AUTS2: variants seen among roughly 807,000 people sequenced by gnomAD.
AUTS2 encodes activator of transcription and developmental regulator AUTS2.
In AUTS2, 17 loss-of-function variants were observed where a neutral mutation model predicts 112.4. The ratio of observed to expected loss-of-function variants is 0.15; its 90% CI spans 0.10 to 0.23. The LOEUF is 0.23. Among genes scored for constraint, AUTS2 ranks in the 10% least tolerant of loss-of-function variants. The pLI, the probability that AUTS2 is intolerant of heterozygous loss-of-function variation, is 1.00. For missense variants in AUTS2, 1,510 were observed against 1,701.6 expected, an observed-to-expected ratio of 0.89 and a Z score of 1.98; for synonymous variants, 751 against 702.7, an observed-to-expected ratio of 1.07 and a Z score of -1.09.
At chr7:69,858,926 A>G (rs1182157222) in intron 1 of AUTS2, among the ~76,000 whole-genome samples, 3 of 152,206 alleles carry the variant, frequency 2.0e-5, no homozygotes, top group Admixed American at 6.5e-5. Flanking sequence ...TGTAGGTACT[A>G]ATTATTTCTT....
chr7:69,634,186 C>CT (rs1186334755), intron 1 of AUTS2, among the ~76,000 whole-genome samples: 1 of 151,054 alleles, frequency 6.6e-6, no homozygotes, highest in Non-Finnish European at 1.5e-5. Flanking sequence ...GTGGCGCAAT[C>CT]TCGGCTCACT....
In AUTS2 at chr7:69,832,449, A is replaced by C. The variant is rs1005693262; in HGVS notation, c.310-66837A>C. 2.0e-5 allele frequency among the ~76,000 whole-genome samples: 3 copies of C among 152,324 alleles called. No individual in the cohort carries two copies. The South Asian group carries it at 6.2e-4, about 32-fold the overall frequency. On this transcript the variant is annotated intron_variant, in intron 1 of 18. Transcript: ENST00000342771. ...ATCCTGACCTCAGCAGCACACAGCA[A>C]GCATGTAATAGCTGCAGAGAATAAT...
chr7:70,047,979 A>C (rs538655686), intron 2 of AUTS2, among the ~76,000 whole-genome samples: 1 of 152,084 alleles, frequency 6.6e-6, no homozygotes, highest in Admixed American at 6.6e-5. Flanking sequence ...TATTGGGAGC[A>C]TGGGTCTGCT....
intron 4 of AUTS2, among the ~76,000 whole-genome samples, chr7:70,313,619 GA>G (rs1789857426): frequency 6.6e-6 from 1 of 152,176 alleles, no homozygotes; most frequent in African/African-American, 2.4e-5. Context: ...GCAAATGGAT[GA>G]ACTCACAGTA....
At chr7:69,820,736 A>T (rs989914937) in intron 1 of AUTS2, among the ~76,000 whole-genome samples, 1 of 152,198 alleles carries the variant, frequency 6.6e-6, no homozygotes, top group Admixed American at 6.5e-5. Context: ...ACTGAATAGG[A>T]GAGAAAGAGG....
chr7:70,356,986 A>T (rs893040461), intron 4 of AUTS2, among the ~76,000 whole-genome samples: 3 of 152,140 alleles, frequency 2.0e-5, no homozygotes, highest in Non-Finnish European at 4.4e-5. Flanking sequence ...ATTGCTCCCA[A>T]TGTTTCCTGG....
rs1317877678 is a variant in AUTS2 at position 69,872,041 on chromosome 7, G to A, written c.310-27245G>A. On this transcript the variant is annotated intron_variant, in intron 1 of 18. Coordinates refer to ENST00000342771, the MANE Select transcript of AUTS2 (RefSeq NM_015570.4). ...GTTGCGTGTATTTTTTCTACTCATGGACATGTTCCACTGTGTTATCCGACT... is the reference window on the plus strand; with the variant it reads ...GTTGCGTGTATTTTTTCTACTCATGAACATGTTCCACTGTGTTATCCGACT... Among the ~76,000 whole-genome samples, 5 of 152,158 alleles carry A rather than the reference G, an allele frequency of 3.3e-5. No individual in the cohort carries two copies. In the East Asian group the frequency reaches 9.6e-4, roughly 29 times the overall value.
At position 70,719,589 on chromosome 7, in the gene AUTS2, G is replaced by A. The variant is rs562416402; in HGVS notation, c.742+20969G>A. Among the ~76,000 whole-genome samples, 164 of 149,578 alleles carry A rather than the reference G, an allele frequency of 1.1e-3. 1 individual carries two copies. The highest frequency in any genetic ancestry group is 1.7e-3 in the Non-Finnish European group (118 of 67,772). ...AACGATTCTCCTGCCTCAGCCTCCC[G>A]AGTAGGTGGGATTACAGGCTCCTGC... On this transcript the variant is annotated intron_variant, in intron 6 of 18. Transcript: ENST00000342771.
chr7:70,261,834 G>A (rs1787181594), intron 4 of AUTS2, among the ~76,000 whole-genome samples: 1 of 152,202 alleles, frequency 6.6e-6, no homozygotes, highest in South Asian at 2.1e-4. Context: ...GGCCTCAGGA[G>A]CGCCTCTTTG....
intron 1 of AUTS2, among the ~76,000 whole-genome samples, chr7:69,767,689 G>A (rs1049794052): frequency 2.6e-5 from 4 of 152,344 alleles, no homozygotes; most frequent in Admixed American, 2.0e-4. Context: ...CCATCTTTCT[G>A]TCTCTGGTTT....
intron 1 of AUTS2, among the ~76,000 whole-genome samples, chr7:69,768,430 C>T (rs574636140): frequency 2.3e-4 from 35 of 152,284 alleles, no homozygotes; most frequent in African/African-American, 8.2e-4. Context: ...AGGTTACCTG[C>T]TCAGTTCAAA....
intron 1 of AUTS2, among the ~76,000 whole-genome samples, chr7:69,896,855 C>G (rs1794769621): frequency 6.6e-6 from 1 of 152,214 alleles, no homozygotes; most frequent in African/African-American, 2.4e-5. Flanking sequence ...TTCAGCCTTT[C>G]AGATCTAGGT....
chr7:70,405,738 C>A (rs1794503679), intron 4 of AUTS2, among the ~76,000 whole-genome samples: 1 of 152,190 alleles, frequency 6.6e-6, no homozygotes, highest in Non-Finnish European at 1.5e-5. Context: ...AAGGTGGGAT[C>A]CTGGCAGCTG....
chr7:69,717,590 G>A (rs1405033080), intron 1 of AUTS2, among the ~76,000 whole-genome samples: 1 of 152,066 alleles, frequency 6.6e-6, no homozygotes, highest in Non-Finnish European at 1.5e-5. Flanking sequence ...AGAATGAAAG[G>A]AAAAAAAATT....
intron 5 of AUTS2, among the ~76,000 whole-genome samples, chr7:70,635,831 T>A (rs1326862641): frequency 6.6e-6 from 1 of 152,192 alleles, no homozygotes; most frequent in Non-Finnish European, 1.5e-5. Context: ...TAGGAGAGAC[T>A]TTGACACACA....
chr7:70,175,407 GA>G (rs1808932706), intron 4 of AUTS2, among the ~76,000 whole-genome samples: 1 of 152,116 alleles, frequency 6.6e-6, no homozygotes, highest in African/African-American at 2.4e-5. Context: ...AAAGAATTTA[GA>G]ATATTCCATA....
At chr7:69,760,200 T>TTTC (rs1395867170) in intron 1 of AUTS2, among the ~76,000 whole-genome samples, 3 of 146,748 alleles carry the variant, frequency 2.0e-5, no homozygotes, top group African/African-American at 7.4e-5. Context: ...TTTTTTTCTT[T>TTTC]TTTTTTTTTT....
intron 2 of AUTS2, among the ~76,000 whole-genome samples, chr7:69,996,714 C>A (rs1379924837): frequency 6.6e-6 from 1 of 152,032 alleles, no homozygotes. Context: ...GTAAAAACTT[C>A]AAAGTGCCTG....
At chr7:70,401,450 C>T (rs984164513) in intron 4 of AUTS2, among the ~76,000 whole-genome samples, 1 of 152,162 alleles carries the variant, frequency 6.6e-6, no homozygotes, top group African/African-American at 2.4e-5. Flanking sequence ...AAGGAGGGAC[C>T]AAGCTGGAGC....
Sources: gnomAD v4.1 joint callset for allele counts (sites outside exome capture counted in the v4.1 genomes callset) on GRCh38, gnomAD v4.1.1 for gene constraint, MANE v1.5 for transcripts, NCBI Gene and HGNC (gene_info 2026-07-23, HGNC 2026-07-21) for gene names.